SATB2: variants seen among roughly 807,000 people sequenced by gnomAD.
The protein encoded by SATB2 is SATB homeobox 2.
In SATB2, 1 loss-of-function variant was observed where a neutral mutation model predicts 73.4. That is an observed-to-expected ratio of 0.01 (90% CI 0.00 to 0.06). SATB2 has a LOEUF of 0.06. Ranked by LOEUF, SATB2 falls within the 10% of genes least tolerant of loss-of-function variation. SATB2 has a pLI of 1.00. For synonymous variants in SATB2, 397 were observed against 367.0 expected, an observed-to-expected ratio of 1.08 and a Z score of -0.93; for missense variants, 459 against 945.8, an observed-to-expected ratio of 0.49 and a Z score of 6.75.
intron 10 of SATB2, among the ~76,000 whole-genome samples, chr2:199,303,615 A>G (rs958126815): frequency 7.2e-5 from 11 of 152,146 alleles, no homozygotes; most frequent in African/African-American, 2.7e-4. Context: ...TCTGACCTCT[A>G]TCCACTAGAT....
At chr2:199,366,003 C>T (rs950972719) in intron 6 of SATB2, among the ~76,000 whole-genome samples, 3 of 152,042 alleles carry the variant, frequency 2.0e-5, no homozygotes, top group African/African-American at 4.8e-5. Context: ...CCACTTAGTT[C>T]CCACTGTTTT....
At chr2:199,461,224 C>G (rs866015136), upstream of SATB2, among the ~76,000 whole-genome samples, 1 of 152,108 alleles carries the variant, frequency 6.6e-6, no homozygotes. Flanking sequence ...CGAGTTTTGT[C>G]TCTAATAAAG....
At chr2:199,410,910 T>A (rs1690794053) in intron 3 of SATB2, among the ~76,000 whole-genome samples, 1 of 152,196 alleles carries the variant, frequency 6.6e-6, no homozygotes. Context: ...AATAAAGTTT[T>A]TTTTAAAACC....
chr2:199,388,014 T>C (rs1272052819), intron 3 of SATB2, among the ~76,000 whole-genome samples: 1 of 152,196 alleles, frequency 6.6e-6, no homozygotes, highest in African/African-American at 2.4e-5. Flanking sequence ...AAATGCATAA[T>C]TCATATTTTT....
At chr2:199,312,928 G>A (rs139893831) in intron 9 of SATB2, among the ~76,000 whole-genome samples, 1 of 152,204 alleles carries the variant, frequency 6.6e-6, no homozygotes, top group East Asian at 1.9e-4. Context: ...CAAGGTAATA[G>A]AAGAAAAGAA....
intron 10 of SATB2, among the ~76,000 whole-genome samples, chr2:199,292,152 A>T (rs1267520845): frequency 6.6e-6 from 1 of 152,192 alleles, no homozygotes; most frequent in African/African-American, 2.4e-5. Flanking sequence ...GTATTAAATA[A>T]TCATCTCTGA....
At chr2:199,340,611 C>A (rs548214208) in intron 7 of SATB2, among the ~76,000 whole-genome samples, 2 of 152,302 alleles carry the variant, frequency 1.3e-5, no homozygotes, top group Admixed American at 1.3e-4. Context: ...AAACCCCATA[C>A]AACATAAATA....
At chr2:199,288,136 T>G (rs979242701) in intron 10 of SATB2, among the ~76,000 whole-genome samples, 2 of 152,198 alleles carry the variant, frequency 1.3e-5, no homozygotes, top group Non-Finnish European at 2.9e-5. Flanking sequence ...TAGGAAAAAT[T>G]AGAATACTTT....
chr2:199,437,531 G>A (rs929212481), intron 2 of SATB2, among the ~76,000 whole-genome samples: 4 of 152,172 alleles, frequency 2.6e-5, no homozygotes, highest in African/African-American at 9.7e-5. Flanking sequence ...GTGGGAAAAT[G>A]GTTAGATGTG....
At chr2:199,316,872 A>G (rs888122459) in intron 9 of SATB2, among the ~76,000 whole-genome samples, 5 of 152,194 alleles carry the variant, frequency 3.3e-5, no homozygotes, top group African/African-American at 1.2e-4. Context: ...AGAATCCTGG[A>G]CTTCTTCACT....
chr2:199,372,815 G>A (rs902102868), intron 5 of SATB2, among the ~76,000 whole-genome samples: 1 of 152,164 alleles, frequency 6.6e-6, no homozygotes, highest in Non-Finnish European at 1.5e-5. Flanking sequence ...CCTTATACAA[G>A]TTAACTAAGA....
In SATB2 at chr2:199,455,401, T is replaced by G. The variant is rs1692242709; in HGVS notation, c.169+468A>C. ...ACGTGGCAGGAAATATTCCCAGTTG[T>G]CATTCATCTGTCTTGAAGCACTGTC... On this transcript the variant is annotated intron_variant, in intron 2 of 10. Coordinates refer to ENST00000417098, the MANE Select transcript of SATB2 (RefSeq NM_001172509.2). This position sits in a 1 kb window ranked among gnomAD's most constrained non-coding sequence, Gnocchi z 4.1. Among the ~76,000 whole-genome samples the G allele has an allele frequency of 6.6e-6, 1 of 152,222 alleles. No individual in the cohort carries two copies. Among genetic ancestry groups the G allele is most frequent in the South Asian group, 2.1e-4 (1 of 4,834 alleles).
intron 6 of SATB2, among the ~76,000 whole-genome samples, chr2:199,351,430 T>G (rs1235524404): frequency 6.6e-6 from 1 of 152,198 alleles, no homozygotes; most frequent in Non-Finnish European, 1.5e-5. Flanking sequence ...CACCAGCCAT[T>G]GCACCCAGCC....
intron 6 of SATB2, among the ~76,000 whole-genome samples, chr2:199,350,053 G>T (rs768795712): frequency 1.5e-4 from 23 of 152,120 alleles, no homozygotes; most frequent in Non-Finnish European, 2.2e-4. Context: ...TTGGAGAAAA[G>T]AAATGGGGCT....
At chr2:199,353,484 T>A (rs1688883244) in intron 6 of SATB2, among the ~76,000 whole-genome samples, 1 of 152,028 alleles carries the variant, frequency 6.6e-6, no homozygotes, top group African/African-American at 2.4e-5. Context: ...ACATTTTAAT[T>A]TAGTTCTTGC....
chr2:199,326,412 T>C (rs1002929377), intron 8 of SATB2, among the ~76,000 whole-genome samples: 2 of 152,166 alleles, frequency 1.3e-5, no homozygotes, highest in African/African-American at 4.8e-5. Context: ...ATTTTCTAGA[T>C]GGCATTCTGG....
chr2:199,363,709 A>G (rs985093187), intron 6 of SATB2, among the ~76,000 whole-genome samples: 1 of 152,350 alleles, frequency 6.6e-6, no homozygotes, highest in East Asian at 1.9e-4. Flanking sequence ...TAATCATTTC[A>G]CGTTGTATTA....
chr2:199,385,781 A>G (rs889766105), intron 3 of SATB2, among the ~76,000 whole-genome samples: 6 of 152,304 alleles, frequency 3.9e-5, no homozygotes, highest in African/African-American at 1.2e-4. Context: ...CTGACTCAGT[A>G]GCACACTGTA....
At chr2:199,309,014 G>C in intron 9 of SATB2, 57 bp from the exon 10 acceptor site, 2 of 1,385,744 alleles carry the variant, frequency 1.4e-6, no homozygotes, top group African/African-American at 1.4e-5. Flanking sequence ...AGCTGAGGGG[G>C]CCTTGACTGC....
Sources: gnomAD v4.1 joint callset for allele counts (sites outside exome capture counted in the v4.1 genomes callset) on GRCh38, gnomAD v4.1.1 for gene constraint, Gnocchi (gnomAD v3.1) non-coding constraint, MANE v1.5 for transcripts, NCBI Gene and HGNC (gene_info 2026-07-23, HGNC 2026-07-21) for gene names.